KIF15: variants seen among roughly 807,000 people sequenced by gnomAD.
KIF15 encodes the protein kinesin family member 15, also known as kinesin-like protein KIF15.
In KIF15, 140 loss-of-function variants were observed where a neutral mutation model predicts 190.6. The observed-to-expected ratio is 0.73, with a 90% CI of 0.64 to 0.84. KIF15 has a LOEUF of 0.84. Ranked by LOEUF, KIF15 falls within the 40% of genes least tolerant of loss-of-function variation. The pLI, the probability that KIF15 is intolerant of heterozygous loss-of-function variation, is 0.00. For synonymous variants in KIF15, 528 were observed against 551.3 expected, an observed-to-expected ratio of 0.96 and a Z score of 0.59; for missense variants, 1,372 against 1,584.4, an observed-to-expected ratio of 0.87 and a Z score of 2.28.
Position 44,826,092 on chromosome 3 carries a change from A to G in KIF15, c.2603A>G (p.Asp868Gly). 6.3e-7 allele frequency: 1 copy of G among 1,591,746 alleles called. No individual in the cohort carries two copies. The highest frequency in any genetic ancestry group is 1.4e-5 in the African/African-American group (1 of 73,366). Residue 868 changes from aspartate to glycine, a missense_variant, in exon 21 of 35, where the codon GAC (aspartate) becomes GGC (glycine). By Grantham distance (94) the Asp-to-Gly change is moderately conservative. Transcript: ENST00000326047. ...AAAGCCTGCCTACAGGATTCCTATG[A>G]CAACTTACAAGAAATAATGAAATTT... ...ESKACLQDSY[D>G]NLQEIMKFEI...
intron 26 of KIF15, among the ~76,000 whole-genome samples, chr3:44,832,046 A>T (rs1229392084): frequency 6.6e-6 from 1 of 152,224 alleles, no homozygotes; most frequent in East Asian, 1.9e-4. Flanking sequence ...CATGCATTCT[A>T]GCTTAAGAGA....
intron 6 of KIF15, among the ~76,000 whole-genome samples, chr3:44,866,440 T>A (rs1699323329): frequency 2.0e-5 from 3 of 152,194 alleles, no homozygotes; most frequent in Non-Finnish European, 2.9e-5. Flanking sequence ...GTGTGCTGCC[T>A]GCACACTTTC....
chr3:44,842,821 G>C (rs1191782434), intron 29 of KIF15, among the ~76,000 whole-genome samples: 1 of 152,208 alleles, frequency 6.6e-6, no homozygotes, highest in African/African-American at 2.4e-5. Context: ...GAATCGAATA[G>C]TTGAGAACAT....
intron 30 of KIF15, among the ~76,000 whole-genome samples, chr3:44,843,505 A>G (rs539747229): frequency 6.6e-6 from 1 of 152,322 alleles, no homozygotes; most frequent in East Asian, 1.9e-4. Context: ...CTTATATTTA[A>G]AAAAATTTTT....
intron 24 of KIF15, among the ~76,000 whole-genome samples, chr3:44,829,720 T>A (rs1227626623): frequency 4.0e-4 from 54 of 135,872 alleles, no homozygotes; most frequent in African/African-American, 1.2e-3. Context: ...TGTATATATA[T>A]TATAGATGTA....
chr3:44,793,156 A>G (rs1230062860), intron 7 of KIF15, among the ~76,000 whole-genome samples: 1 of 152,168 alleles, frequency 6.6e-6, no homozygotes, highest in Non-Finnish European at 1.5e-5. Context: ...AGGTACCCAT[A>G]TTCCCATTTT....
chr3:44,866,666 C>G (rs544148209), intron 6 of KIF15, among the ~76,000 whole-genome samples: 43 of 152,340 alleles, frequency 2.8e-4, no homozygotes, highest in Admixed American at 1.6e-3. Flanking sequence ...TTGCTCTCCT[C>G]CCTTACTGTG....
intron 17 of KIF15, 86 bp from the exon 18 acceptor site, chr3:44,812,096 G>C: frequency 1.0e-6 from 1 of 984,464 alleles, no homozygotes; most frequent in South Asian, 1.5e-5. Context: ...GTTTTGTTTT[G>C]TTGTCTCTTT....
At chr3:44,809,718 G>T (rs1417468683) in intron 16 of KIF15, among the ~76,000 whole-genome samples, 3 of 152,026 alleles carry the variant, frequency 2.0e-5, no homozygotes, top group Non-Finnish European at 2.9e-5. Flanking sequence ...AAGCATGGTG[G>T]TGTGCACCTT....
chr3:44,809,874 C>A (rs562681590), intron 16 of KIF15, among the ~76,000 whole-genome samples: 2 of 152,168 alleles, frequency 1.3e-5, no homozygotes, highest in East Asian at 3.9e-4. Flanking sequence ...GGAGACCAGC[C>A]TGGCCAACAT....
intron 8 of KIF15, 67 bp downstream of exon 8, chr3:44,794,493 G>A: frequency 8.6e-7 from 1 of 1,161,966 alleles, no homozygotes; most frequent in Non-Finnish European, 1.2e-6. Flanking sequence ...CAGTCGTGAT[G>A]CATGACAGTG....
intron 6 of KIF15, among the ~76,000 whole-genome samples, chr3:44,860,109 G>A (rs963492106): frequency 1.3e-5 from 2 of 152,166 alleles, no homozygotes; most frequent in African/African-American, 4.8e-5. Context: ...TAGCAGAGAC[G>A]GCTTTACAGA....
At position 44,864,220 on chromosome 3, in the gene KIF15, A is replaced by C. The variant is rs779479684; in HGVS notation, c.*60-9109A>C. ...AGGTGAGCATGGGTTTATGCGTCTT[A>C]GGCATTATTGTGATGGCGAGCACCA... On this transcript the variant is annotated intron_variant and NMD_transcript_variant, in intron 6 of 6. Transcript: ENST00000422209. The C allele has an allele frequency of 8.7e-6, 14 of 1,614,130 alleles. No individual in the cohort carries two copies. The South Asian group carries it at 1.4e-4, about 16-fold the overall frequency.
At chr3:44,839,187 G>A (rs898100313) in intron 27 of KIF15, among the ~76,000 whole-genome samples, 4 of 151,802 alleles carry the variant, frequency 2.6e-5, no homozygotes, top group South Asian at 2.1e-4. Flanking sequence ...TGGCTTACAC[G>A]GTGAACCCCC....
intron 7 of KIF15, among the ~76,000 whole-genome samples, chr3:44,789,639 A>G (rs995876979): frequency 2.6e-5 from 2 of 78,128 alleles, no homozygotes; most frequent in African/African-American, 1.1e-4. Context: ...TTTTTGTCTA[A>G]TTTTATATAT....
chr3:44,827,534 A>T lies in KIF15; in HGVS notation c.2856+6A>T, dbSNP rs4682999. On this transcript the variant is annotated splice_donor_region_variant and intron_variant, in intron 23 of 34. Coordinates refer to ENST00000326047, the MANE Select transcript of KIF15 (RefSeq NM_020242.3). ...CGGCCAAGTGTGAGCAGCAGGTAAAATTCCTGTTACTCTAACTCTAGTATT... is the reference window on the plus strand; with the variant it reads ...CGGCCAAGTGTGAGCAGCAGGTAAATTTCCTGTTACTCTAACTCTAGTATT... 1 allele frequency: 1,596,328 copies of T among 1,597,562 alleles called. 797,554 individuals are homozygous for T. The highest frequency in any genetic ancestry group is 1 in the East Asian group (44,734 of 44,734).
intron 24 of KIF15, among the ~76,000 whole-genome samples, chr3:44,829,220 G>C (rs1697842909): frequency 6.6e-6 from 1 of 150,764 alleles, no homozygotes; most frequent in African/African-American, 2.4e-5. Flanking sequence ...AGCTGGGCAT[G>C]GTGGCAGGTG....
At position 44,826,117 on chromosome 3, in the gene KIF15, T is replaced by C. The variant is rs749806177; in HGVS notation, c.2628T>C (p.Phe876=). Reference sequence around the variant, plus strand: ...ACAACTTACAAGAAATAATGAAATTTGAGATTGACCAACTTTCAAGAAACC... The same window carrying C: ...ACAACTTACAAGAAATAATGAAATTCGAGATTGACCAACTTTCAAGAAACC... ...SYDNLQEIMK[F]EIDQLSRNLQ... is the part of the protein sequence containing the mutation. Residue 876 remains phenylalanine, a synonymous_variant, in exon 21 of 35, where the codon TTT becomes TTC. Coordinates refer to ENST00000326047, the MANE Select transcript of KIF15 (RefSeq NM_020242.3). 1 of 1,588,536 alleles carries C rather than the reference T, an allele frequency of 6.3e-7. No individual in the cohort carries two copies. Among genetic ancestry groups the C allele is most frequent in the South Asian group, 1.2e-5 (1 of 85,200 alleles).
Position 44,862,100 on chromosome 3 carries a change from T to C in KIF15, c.*59+9306T>C, listed in dbSNP as rs752556050. ...GCCCTGGCCGCCGCCTCCGCCAAGCTGGCCTTCGGCAGCGAGGTCGAGCCC... is the reference window on the plus strand; with the variant it reads ...GCCCTGGCCGCCGCCTCCGCCAAGCCGGCCTTCGGCAGCGAGGTCGAGCCC... On this transcript the variant is annotated intron_variant and NMD_transcript_variant, in intron 6 of 6. Coordinates refer to the KIF15 transcript ENST00000422209. 3.8e-6 allele frequency: 4 copies of C among 1,057,388 alleles called. No individual in the cohort carries two copies. The East Asian group carries it at 3.0e-4, about 80-fold the overall frequency. 65.5% of individuals were successfully genotyped at this position (1,057,388 alleles called of 1,614,324 possible).
Sources: gnomAD v4.1 joint callset for allele counts (sites outside exome capture counted in the v4.1 genomes callset) on GRCh38, gnomAD v4.1.1 for gene constraint, MANE v1.5 for transcripts, NCBI Gene and HGNC (gene_info 2026-07-23, HGNC 2026-07-21) for gene names.